The following SEC23IP variants were observed in gnomAD, a reference collection of about 807,000 sequenced individuals.
SEC23IP encodes SEC23 interacting protein, also known as SEC23-interacting protein.
In SEC23IP, 70 loss-of-function variants were observed where a neutral mutation model predicts 113.4. The ratio of observed to expected loss-of-function variants is 0.62; its 90% CI spans 0.51 to 0.75. The LOEUF (loss-of-function observed/expected upper bound fraction) is 0.75. Among genes scored for constraint, SEC23IP ranks in the 30% least tolerant of loss-of-function variants. SEC23IP has a pLI of 0.00. For synonymous variants in SEC23IP, 398 were observed against 421.0 expected, an observed-to-expected ratio of 0.95 and a Z score of 0.67; for missense variants, 1,160 against 1,204.9, an observed-to-expected ratio of 0.96 and a Z score of 0.55.
In SEC23IP at chr10:119,892,905, C is replaced by T; in HGVS notation, c.123C>T (p.Thr41=). 6.2e-7 allele frequency: 1 copy of T among 1,613,504 alleles called. No individual in the cohort carries two copies. The highest frequency in any genetic ancestry group is 1.3e-5 in the African/African-American group (1 of 75,030). Residue 41 remains threonine, a synonymous_variant, in exon 1 of 19, where the codon ACC becomes ACT. Transcript: ENST00000369075. ...TCAATGTGCCCTTCATCCCAGTCAC[C>T]CAGGCCTCCGCTTCTCCGGCCTCCC... ...FSFNVPFIPV[T]QASASPASLL...
At position 119,902,812 on chromosome 10, in the gene SEC23IP, T is replaced by A; in HGVS notation, c.710T>A (p.Val237Glu). ...PGSLPPVPSS[V>E]QSPAQQQVPA... is the part of the protein sequence containing the mutation. ...CGTCCCCTCCAGGTTCCTTCTTCAG[T>A]GCAGTCACCGGCACAGCAGCAGGTA... The change falls in exon 3 of 19, where the codon GTG becomes GAG. Residue 237 changes from valine to glutamate, a missense_variant. Coordinates refer to ENST00000369075, the MANE Select transcript of SEC23IP (RefSeq NM_007190.4). 6.2e-7 allele frequency: 1 copy of A among 1,614,166 alleles called. No homozygotes were observed. Among genetic ancestry groups the A allele is most frequent in the Non-Finnish European group, 8.5e-7 (1 of 1,179,996 alleles).
intron 12 of SEC23IP, 104 bp downstream of exon 12, chr10:119,921,088 G>A (rs749994093): frequency 8.3e-5 from 63 of 760,356 alleles, no homozygotes; most frequent in Non-Finnish European, 9.2e-5. Context: ...AAGCTAGTTT[G>A]CTCCCTACCT....
chr10:119,911,593 G>C (rs1218325247), intron 5 of SEC23IP, among the ~76,000 whole-genome samples: 2 of 151,824 alleles, frequency 1.3e-5, no homozygotes, highest in Non-Finnish European at 2.9e-5. Flanking sequence ...CTTCTGCCTC[G>C]GCCTCCTGAG....
intron 18 of SEC23IP, among the ~76,000 whole-genome samples, chr10:119,937,558 G>A (rs1285205125): frequency 1.3e-5 from 2 of 151,646 alleles, no homozygotes; most frequent in South Asian, 2.1e-4. Flanking sequence ...CCCAGGAGGC[G>A]GAGGTTGCAG....
intron 12 of SEC23IP, among the ~76,000 whole-genome samples, chr10:119,924,482 G>A (rs1855357577): frequency 6.6e-6 from 1 of 151,536 alleles, no homozygotes; most frequent in Non-Finnish European, 1.5e-5. Flanking sequence ...ATGCAGTGGC[G>A]GATCTCGACT....
chr10:119,894,982 A>G (rs1330031541), intron 1 of SEC23IP, among the ~76,000 whole-genome samples: 1 of 152,016 alleles, frequency 6.6e-6, no homozygotes, highest in Non-Finnish European at 1.5e-5. Context: ...AAAATCTCAG[A>G]AACCCATTCA....
At chr10:119,926,442 G>T (rs1361933909) in intron 13 of SEC23IP, among the ~76,000 whole-genome samples, 1 of 152,126 alleles carries the variant, frequency 6.6e-6, no homozygotes, top group Non-Finnish European at 1.5e-5. Context: ...TTTTGAAATT[G>T]TCTCTATTTC....
intron 1 of SEC23IP, among the ~76,000 whole-genome samples, chr10:119,896,640 G>A (rs1854293117): frequency 6.6e-6 from 1 of 152,194 alleles, no homozygotes; most frequent in African/African-American, 2.4e-5. Context: ...GTGTCCAAAT[G>A]AAATGAGAAA....
At chr10:119,920,597 G>A (rs1316231213) in intron 11 of SEC23IP, among the ~76,000 whole-genome samples, 1 of 152,230 alleles carries the variant, frequency 6.6e-6, no homozygotes, top group African/African-American at 2.4e-5. Flanking sequence ...AGAATTCTAT[G>A]TTTGGGACAG....
chr10:119,909,913 A>G (rs1380897761), intron 5 of SEC23IP, among the ~76,000 whole-genome samples: 1 of 152,210 alleles, frequency 6.6e-6, no homozygotes, highest in East Asian at 1.9e-4. Flanking sequence ...AGTATTTCTT[A>G]TGAAGTTTCT....
At chr10:119,914,452 C>G (rs1004397754) in intron 6 of SEC23IP, 1 of 403,888 alleles carries the variant, frequency 2.5e-6, no homozygotes, top group African/African-American at 2.0e-5. Context: ...GGTTGTGGAG[C>G]CTCCATAGAT....
intron 8 of SEC23IP, among the ~76,000 whole-genome samples, chr10:119,916,267 C>T (rs1855049888): frequency 6.6e-6 from 1 of 152,176 alleles, no homozygotes; most frequent in Non-Finnish European, 1.5e-5. Flanking sequence ...GGCTGAGAAC[C>T]ACAGATTCAG....
rs1219923584 is a variant in SEC23IP, at chr10:119,944,372, G to T, written c.*3807G>T. 1.3e-5 allele frequency: 2 copies of T among 152,192 alleles called. No homozygotes were observed. The highest frequency in any genetic ancestry group is 2.9e-5 in the Non-Finnish European group (2 of 68,074). 9.4% of individuals were successfully genotyped at this position (152,192 alleles called of 1,614,324 possible). A position where few individuals can be genotyped will look rare whatever the true frequency, so the allele number is the denominator to read the frequency against. ...TCTCCCCAACCATGCAGAACTGTGA[G>T]TCACTTGAACCCCTTTTGTTTATAA... On this transcript the variant is annotated 3_prime_UTR_variant, in exon 19 of 19. Transcript: ENST00000369075.
chr10:119,902,749 A>G lies in SEC23IP; in HGVS notation c.697-50A>G, dbSNP rs772257810. On this transcript the variant is annotated intron_variant, in intron 2 of 18. Transcript: ENST00000369075. ...ATCAGTTTGGGTGTGAAGCATATTC[A>G]GAATTCTTTTGGACAAGCATGACAG... 2.1e-6 allele frequency: 3 copies of G among 1,461,828 alleles called. No individual in the cohort carries two copies. In the Admixed American group the frequency reaches 5.3e-5, roughly 26 times the overall value. 90.6% of individuals were successfully genotyped at this position (1,461,828 alleles called of 1,614,324 possible).
chr10:119,928,521 A>C (rs926234394), intron 13 of SEC23IP, among the ~76,000 whole-genome samples: 2 of 152,148 alleles, frequency 1.3e-5, no homozygotes, highest in African/African-American at 4.8e-5. Context: ...CTAAGTCAGC[A>C]CTCCATCACT....
chr10:119,911,383 C>T (rs1038997155), intron 5 of SEC23IP, among the ~76,000 whole-genome samples: 2 of 151,816 alleles, frequency 1.3e-5, no homozygotes, highest in Non-Finnish European at 2.9e-5. Context: ...ATGTTGGCCT[C>T]TCAAAGTGTT....
chr10:119,916,583 C>G (rs1267928799), intron 8 of SEC23IP, among the ~76,000 whole-genome samples: 1 of 152,118 alleles, frequency 6.6e-6, no homozygotes, highest in Admixed American at 6.5e-5. Context: ...AGGGTGTTTT[C>G]TTTCTCTGTG....
chr10:119,906,721 G>A (rs1854680411), intron 4 of SEC23IP, among the ~76,000 whole-genome samples: 2 of 151,954 alleles, frequency 1.3e-5, no homozygotes, highest in Middle Eastern at 3.4e-3. Context: ...GATTACAGGC[G>A]CCTGTCACCA....
intron 16 of SEC23IP, 63 bp downstream of exon 16, chr10:119,932,381 G>A: frequency 8.0e-7 from 1 of 1,256,212 alleles, no homozygotes; most frequent in Non-Finnish European, 1.1e-6. Context: ...ATACTTAAAA[G>A]TTATATGATG....
Sources: gnomAD v4.1 joint callset for allele counts (sites outside exome capture counted in the v4.1 genomes callset) on GRCh38, gnomAD v4.1.1 for gene constraint, MANE v1.5 for transcripts, NCBI Gene and HGNC (gene_info 2026-07-23, HGNC 2026-07-21) for gene names.